The following GRID2 variants were observed in gnomAD, a reference collection of about 807,000 sequenced individuals.
GRID2 encodes the protein glutamate ionotropic receptor delta type subunit 2.
In GRID2, 33 loss-of-function variants were observed where a neutral mutation model predicts 114.8. That is an observed-to-expected ratio of 0.29 (90% CI 0.22 to 0.38). The LOEUF is 0.38. Among genes scored for constraint, GRID2 ranks in the 10% least tolerant of loss-of-function variants. GRID2 has a pLI of 1.00. For missense variants in GRID2, 1,184 were observed against 1,257.7 expected, an observed-to-expected ratio of 0.94 and a Z score of 0.89; for synonymous variants, 505 against 449.9, an observed-to-expected ratio of 1.12 and a Z score of -1.55.
chr4:92,536,124 G>T (rs115647264), intron 1 of GRID2, among the ~76,000 whole-genome samples: 4,173 of 152,272 alleles, frequency 0.027, 74 homozygotes, highest in Non-Finnish European at 0.041. Flanking sequence ...TGCTTGCGCC[G>T]GTGGCCTGCT....
chr4:92,685,289 A>G (rs950832095), intron 2 of GRID2, among the ~76,000 whole-genome samples: 3 of 152,108 alleles, frequency 2.0e-5, no homozygotes, highest in African/African-American at 7.2e-5. Context: ...TGCATAAGAT[A>G]GTCTTGATGC....
At chr4:92,526,795 T>G (rs1293903294) in intron 1 of GRID2, among the ~76,000 whole-genome samples, 4 of 151,996 alleles carry the variant, frequency 2.6e-5, no homozygotes, top group Admixed American at 2.6e-4. Context: ...AGGTTTGACT[T>G]ATGATTTTTC....
At chr4:93,803,333 AAGAG>A (rs1290897380) in intron 1 of GRID2, among the ~76,000 whole-genome samples, 1 of 152,206 alleles carries the variant, frequency 6.6e-6, no homozygotes, top group African/African-American at 2.4e-5. Context: ...TCTTGAGAGA[AAGAG>A]AGAAAAAAGT....
rs1751960097 is a variant in GRID2, at chr4:93,275,513, A to T, written c.1245+37023A>T. ...TGTTTACCACTTTCAGGAACTACCA[A>T]GTTAGTTTCCAAAGTGACCATACTG... On this transcript the variant is annotated intron_variant, in intron 8 of 15. Transcript: ENST00000282020. Among the ~76,000 whole-genome samples the T allele has an allele frequency of 2.0e-5, 3 of 151,798 alleles. No homozygotes were observed. In the South Asian group the frequency reaches 6.2e-4, roughly 31 times the overall value.
intron 2 of GRID2, among the ~76,000 whole-genome samples, chr4:92,773,746 T>C (rs1007349493): frequency 6.6e-6 from 1 of 152,112 alleles, no homozygotes; most frequent in Non-Finnish European, 1.5e-5. Flanking sequence ...ACAGTCACAC[T>C]ATATCCCTTA....
At chr4:93,083,036 A>C (rs1312203774) in intron 2 of GRID2, among the ~76,000 whole-genome samples, 1 of 150,470 alleles carries the variant, frequency 6.6e-6, no homozygotes, top group Non-Finnish European at 1.5e-5. Flanking sequence ...CAATGTTTAT[A>C]ACTGTATAAA....
intron 2 of GRID2, among the ~76,000 whole-genome samples, chr4:93,071,887 C>T (rs370290276): frequency 1.3e-5 from 2 of 152,048 alleles, no homozygotes; most frequent in East Asian, 1.9e-4. Context: ...ATCCATGGAG[C>T]TATTCAGAAG....
chr4:93,563,338 T>A (rs1406622253), intron 13 of GRID2, among the ~76,000 whole-genome samples: 5 of 151,982 alleles, frequency 3.3e-5, no homozygotes, highest in African/African-American at 4.8e-5. Flanking sequence ...CCTGAACCAC[T>A]GGTCCCCTCA....
chr4:92,530,631 G>T (rs749215579), intron 1 of GRID2, among the ~76,000 whole-genome samples: 24 of 151,598 alleles, frequency 1.6e-4, no homozygotes, highest in Non-Finnish European at 2.8e-4. Flanking sequence ...GCTGGGCATG[G>T]TGGCTTATTC....
intron 8 of GRID2, among the ~76,000 whole-genome samples, chr4:93,285,812 C>A (rs1472452570): frequency 6.6e-6 from 1 of 151,882 alleles, no homozygotes; most frequent in Non-Finnish European, 1.5e-5. Flanking sequence ...ATTATTTATA[C>A]TGCTATAGGG....
At chr4:93,614,021 G>A (rs1003236077) in intron 13 of GRID2, among the ~76,000 whole-genome samples, 60 of 152,086 alleles carry the variant, frequency 3.9e-4, no homozygotes, top group African/African-American at 1.4e-3. Flanking sequence ...GTGGTGCGCC[G>A]TTTTTTAAGC....
chr4:93,445,194 C>T (rs1721983950), intron 10 of GRID2, among the ~76,000 whole-genome samples: 2 of 151,984 alleles, frequency 1.3e-5, no homozygotes, highest in African/African-American at 2.4e-5. Flanking sequence ...TCAAGCAGCC[C>T]TCTAAAGACA....
At chr4:93,809,555 T>C (rs1193031824) in exon 2 of GRID2, 1 of 152,178 alleles carries the variant, frequency 6.6e-6, no homozygotes, top group Non-Finnish European at 1.5e-5. Context: ...CAAGAAACTT[T>C]GTAATAAGGT....
intron 8 of GRID2, among the ~76,000 whole-genome samples, chr4:93,344,883 T>C (rs988727587): frequency 6.6e-6 from 1 of 151,908 alleles, no homozygotes; most frequent in Admixed American, 6.6e-5. Context: ...TATTTGTCTT[T>C]CTATGCCTAG....
intron 4 of GRID2, among the ~76,000 whole-genome samples, chr4:93,133,907 G>A (rs1735015127): frequency 6.6e-6 from 1 of 152,112 alleles, no homozygotes; most frequent in African/African-American, 2.4e-5. Context: ...TAAAGGTTAA[G>A]GAATATTTAG....
At chr4:92,629,674 A>C (rs1214633532) in intron 2 of GRID2, among the ~76,000 whole-genome samples, 9 of 152,008 alleles carry the variant, frequency 5.9e-5, no homozygotes, top group Admixed American at 4.6e-4. Context: ...TGTATATGGG[A>C]AAATGGGTTC....
intron 8 of GRID2, among the ~76,000 whole-genome samples, chr4:93,281,504 A>G (rs1330641202): frequency 6.6e-6 from 1 of 152,048 alleles, no homozygotes; most frequent in Admixed American, 6.6e-5. Flanking sequence ...CTTTAGCAGA[A>G]ACAAGGCTAC....
In GRID2 at chr4:93,147,009, G is replaced by A. The variant is rs116157383; in HGVS notation, c.735+36056G>A. 4.8e-3 allele frequency among the ~76,000 whole-genome samples: 726 copies of A among 152,206 alleles called. 10 individuals carry two copies. Among genetic ancestry groups the A allele is most frequent in the African/African-American group, 0.017 (694 of 41,540 alleles). ...AATGTAGAATGATTGAAAATATAATGAGATTGAATACAAATGTATTCCGTA... is the reference window on the plus strand; with the variant it reads ...AATGTAGAATGATTGAAAATATAATAAGATTGAATACAAATGTATTCCGTA... On this transcript the variant is annotated intron_variant, in intron 4 of 15. Transcript: ENST00000282020.
intron 2 of GRID2, among the ~76,000 whole-genome samples, chr4:92,742,915 C>T (rs1056987206): frequency 2.6e-5 from 4 of 152,140 alleles, no homozygotes; most frequent in Non-Finnish European, 5.9e-5. Flanking sequence ...CTTGTTTTAT[C>T]TTTTATTCCA....
Sources: allele counts gnomAD v4.1 joint callset (sites outside exome capture counted in the v4.1 genomes callset), GRCh38; gene constraint gnomAD v4.1.1; transcripts MANE v1.5; gene names NCBI Gene and HGNC (gene_info 2026-07-23, HGNC 2026-07-21).